Variants in SLC25A12 observed in about 807,000 individuals in gnomAD.
SLC25A12 encodes solute carrier family 25 member 12.
SLC25A12 carries 32 observed loss-of-function variants against 83.3 expected under a neutral mutation model. The observed-to-expected ratio is 0.38, with a 90% CI of 0.29 to 0.52. SLC25A12 has a LOEUF of 0.52. Ranked by LOEUF, SLC25A12 falls within the 20% of genes least tolerant of loss-of-function variation. The pLI, the probability that SLC25A12 is intolerant of heterozygous loss-of-function variation, is 0.84. For missense variants in SLC25A12, 611 were observed against 835.6 expected (o/e 0.73, Z 3.31); for synonymous variants, 267 against 291.1 (o/e 0.92, Z 0.84).
chr2:171,883,056 C>T (rs1407523176), intron 2 of SLC25A12, among the ~76,000 whole-genome samples: 1 of 152,100 alleles, frequency 6.6e-6, no homozygotes, highest in Admixed American at 6.5e-5. Context: ...AGATGGATGT[C>T]TCAAGAATGT....
chr2:171,880,282 A>T (rs1487681106), intron 2 of SLC25A12, among the ~76,000 whole-genome samples: 1 of 151,102 alleles, frequency 6.6e-6, no homozygotes, highest in Admixed American at 6.6e-5. Context: ...AATAATTTCA[A>T]ATCATATTTT....
intron 3 of SLC25A12, among the ~76,000 whole-genome samples, chr2:171,867,966 T>G (rs1279138030): frequency 6.6e-6 from 1 of 152,084 alleles, no homozygotes; most frequent in Non-Finnish European, 1.5e-5. Context: ...TATCTCAGGC[T>G]CCCAAGTAGC....
intron 13 of SLC25A12, among the ~76,000 whole-genome samples, chr2:171,808,783 G>A (rs575939127): frequency 6.6e-6 from 1 of 152,206 alleles, no homozygotes; most frequent in South Asian, 2.1e-4. Flanking sequence ...GTGCCATGTT[G>A]GTTTGCTGCA....
At chr2:171,805,537 T>G (rs867540021) in intron 13 of SLC25A12, among the ~76,000 whole-genome samples, 1 of 152,258 alleles carries the variant, frequency 6.6e-6, no homozygotes, top group South Asian at 2.1e-4. Flanking sequence ...TAGAAGTGGT[T>G]TGAACCACAA....
intron 13 of SLC25A12, 120 bp from the exon 14 acceptor site, chr2:171,793,887 T>TGAAG (rs1450237068): frequency 1.7e-6 from 2 of 1,161,048 alleles, no homozygotes; most frequent in Middle Eastern, 2.4e-4. Flanking sequence ...AGGTGAAACT[T>TGAAG]CCTTCCTCAG....
intron 14 of SLC25A12, among the ~76,000 whole-genome samples, chr2:171,792,781 G>T (rs1448129812): frequency 6.6e-6 from 1 of 152,166 alleles, no homozygotes; most frequent in East Asian, 1.9e-4. Context: ...CTTGAGACAG[G>T]CATCATTGTT....
rs770885236 is a variant in SLC25A12, at chr2:171,815,100, GCA to G, written c.1012+19_1012+20del. 1 of 1,593,300 alleles carries G rather than the reference GCA, an allele frequency of 6.3e-7. No homozygotes were observed. Among genetic ancestry groups the G allele is most frequent in the Non-Finnish European group, 8.6e-7 (1 of 1,161,194 alleles). On this transcript the variant is annotated intron_variant, in intron 10 of 17. Coordinates refer to ENST00000422440, the MANE Select transcript of SLC25A12 (RefSeq NM_003705.5). Reference sequence around the variant, plus strand: ...ATTACATTAACACAAGCCTCAAACAGCACACAGACATGTCACTCACCTCCAGC... The same window carrying G: ...ATTACATTAACACAAGCCTCAAACAGCACAGACATGTCACTCACCTCCAGC...
intron 17 of SLC25A12, 142 bp from the exon 18 acceptor site, chr2:171,785,617 T>TGTGGTTTCTAGTCATGC: frequency 5.4e-6 from 4 of 741,894 alleles, no homozygotes; most frequent in Non-Finnish European, 9.5e-6. Context: ...GCTGCATGAC[T>TGTGGTTTCTAGTCATGC]AGAAACCACA....
At chr2:171,822,633 C>T (rs1239203048) in intron 9 of SLC25A12, among the ~76,000 whole-genome samples, 3 of 152,120 alleles carry the variant, frequency 2.0e-5, no homozygotes, top group Non-Finnish European at 4.4e-5. Context: ...ACAACCTGCC[C>T]GCCTTGGCCT....
At chr2:171,864,217 A>G (rs1334176206) in intron 3 of SLC25A12, among the ~76,000 whole-genome samples, 1 of 152,212 alleles carries the variant, frequency 6.6e-6, no homozygotes, top group Non-Finnish European at 1.5e-5. Flanking sequence ...TTGTCACACA[A>G]GCACCTCAAC....
At chr2:171,815,250 C>A in intron 9 of SLC25A12, 48 bp from the exon 10 acceptor site, 2 of 1,294,534 alleles carry the variant, frequency 1.5e-6, no homozygotes, top group Non-Finnish European at 2.2e-6. Context: ...GCGCACACAG[C>A]AAGTGAAAAA....
rs796289009 is a variant in SLC25A12 at position 171,806,124 on chromosome 2, AAAAC to A, written c.1305+3478_1305+3481del. 2.8e-3 allele frequency among the ~76,000 whole-genome samples: 420 copies of A among 152,260 alleles called. 2 individuals are homozygous for A. Among genetic ancestry groups the A allele is most frequent in the African/African-American group, 9.6e-3 (400 of 41,536 alleles). On this transcript the variant is annotated intron_variant, in intron 13 of 17. Transcript: ENST00000422440. ...TGAGATCCTGTCTCAAAAAAGAAGA[AAAAC>A]AAACAAACAAAAAAACAAAAATCAC...
chr2:171,872,517 T>C (rs1410599103), intron 2 of SLC25A12, among the ~76,000 whole-genome samples: 1 of 152,158 alleles, frequency 6.6e-6, no homozygotes, highest in Non-Finnish European at 1.5e-5. Flanking sequence ...GAAGGATGGA[T>C]ACAAGGAAGT....
chr2:171,878,745 C>A (rs1685623131), intron 2 of SLC25A12, among the ~76,000 whole-genome samples: 2 of 152,164 alleles, frequency 1.3e-5, no homozygotes, highest in Non-Finnish European at 2.9e-5. Flanking sequence ...AGTTTAGTAA[C>A]TACAGATATC....
chr2:171,870,593 C>T (rs1395677040), intron 2 of SLC25A12, among the ~76,000 whole-genome samples: 1 of 152,044 alleles, frequency 6.6e-6, no homozygotes. Context: ...TGTACTCCAG[C>T]CTGGGCAACA....
chr2:171,883,133 T>C (rs117110103), intron 2 of SLC25A12, among the ~76,000 whole-genome samples: 2,854 of 152,272 alleles, frequency 0.019, 58 homozygotes, highest in Admixed American at 0.067. Flanking sequence ...CTTGACTAGG[T>C]CCAGCATAGT....
In SLC25A12 at chr2:171,813,505, C is replaced by A. The variant is rs1293747457; in HGVS notation, c.1013-8G>T. 4 of 1,613,794 alleles carry A rather than the reference C, an allele frequency of 2.5e-6. No homozygotes were observed. Among genetic ancestry groups the A allele is most frequent in the South Asian group, 1.1e-5 (1 of 91,082 alleles). ...CTGCAGTGGCTCCCACAGCTACAAA[C>A]AGAACAATTTTTAGGCTTAAAAAAG... On this transcript the variant is annotated splice_region_variant and splice_polypyrimidine_tract_variant and intron_variant, in intron 10 of 17. Coordinates refer to ENST00000422440, the MANE Select transcript of SLC25A12 (RefSeq NM_003705.5).
In SLC25A12 at chr2:171,860,038, G is replaced by A. The variant is rs187518205; in HGVS notation, c.210-4089C>T. 6.4e-4 allele frequency among the ~76,000 whole-genome samples: 98 copies of A among 152,204 alleles called. 3 individuals carry two copies. In the East Asian group the frequency reaches 0.017, roughly 27 times the overall value. ...CCCACCTAGGCCTCCCAAAGTGCTC[G>A]GATTACAGCCATGAGCCACTGCGCC... On this transcript the variant is annotated intron_variant, in intron 3 of 17. Transcript: ENST00000422440.
chr2:171,837,346 G>A (rs774427215), intron 5 of SLC25A12, 79 bp from the exon 6 acceptor site: 80 of 1,425,754 alleles, frequency 5.6e-5, no homozygotes, highest in Non-Finnish European at 7.8e-5. Context: ...AGGAAGGACA[G>A]ATATCCTTCC....
Sources: gnomAD v4.1 joint callset for allele counts (sites outside exome capture counted in the v4.1 genomes callset) on GRCh38, gnomAD v4.1.1 for gene constraint, MANE v1.5 for transcripts, NCBI Gene and HGNC (gene_info 2026-07-23, HGNC 2026-07-21) for gene names.